The following EFCAB8 variants were observed in gnomAD, a reference collection of about 807,000 sequenced individuals.
The protein encoded by EFCAB8 is EF-hand calcium-binding domain-containing protein 8.
EFCAB8 carries 100 observed loss-of-function variants against 116.3 expected under a neutral mutation model. The ratio of observed to expected loss-of-function variants is 0.86; its 90% CI spans 0.73 to 1.02. The LOEUF (loss-of-function observed/expected upper bound fraction) is 1.02. Among genes scored for constraint, EFCAB8 ranks in the 50% least tolerant of loss-of-function variants. The pLI is 0.00. For missense variants in EFCAB8, 1,320 were observed against 1,416.9 expected (o/e 0.93, Z 1.10); for synonymous variants, 558 against 567.9 (o/e 0.98, Z 0.25).
At chr20:32,921,361 TTGTGTGTGTGTG>T (rs71858676) in intron 20 of EFCAB8, among the ~76,000 whole-genome samples, 2 of 129,276 alleles carry the variant, frequency 1.5e-5, no homozygotes, top group Non-Finnish European at 3.1e-5. Context: ...CCCAGCTATT[TTGTGTGTGTGTG>T]TGTGTGTGTG....
At chr20:32,865,723 C>T (rs1984361333) in intron 2 of EFCAB8, among the ~76,000 whole-genome samples, 1 of 150,936 alleles carries the variant, frequency 6.6e-6, no homozygotes, top group Non-Finnish European at 1.5e-5. Context: ...CACTTGAACC[C>T]AGGAGGCAGA....
chr20:32,895,123 A>G (rs1986095065), intron 9 of EFCAB8, among the ~76,000 whole-genome samples: 1 of 152,098 alleles, frequency 6.6e-6, no homozygotes, highest in South Asian at 2.1e-4. Flanking sequence ...AACTGCTCTG[A>G]CGGAGGACCC....
chr20:32,879,347 C>T (rs1306078479), intron 5 of EFCAB8, among the ~76,000 whole-genome samples: 1 of 152,208 alleles, frequency 6.6e-6, no homozygotes, highest in Non-Finnish European at 1.5e-5. Context: ...CTGGTGGCAC[C>T]ACCCTGCCTT....
chr20:32,938,488 G>A (rs1012753321), intron 22 of EFCAB8, among the ~76,000 whole-genome samples: 1 of 149,418 alleles, frequency 6.7e-6, no homozygotes, highest in Non-Finnish European at 1.5e-5. Context: ...TCTATATTGG[G>A]GAGGAAGAAG....
intron 22 of EFCAB8, among the ~76,000 whole-genome samples, chr20:32,940,514 TAGAC>T (rs1165985936): frequency 2.0e-5 from 3 of 149,578 alleles, no homozygotes; most frequent in Admixed American, 2.0e-4. Context: ...CTTGTGACCT[TAGAC>T]AGTGTGTCTT....
intron 18 of EFCAB8, among the ~76,000 whole-genome samples, chr20:32,918,014 T>G (rs949661684): frequency 3.9e-5 from 6 of 152,206 alleles, no homozygotes; most frequent in Non-Finnish European, 1.5e-5. Flanking sequence ...CTCTGGTAGG[T>G]GGGGTTTCCC....
intron 17 of EFCAB8, among the ~76,000 whole-genome samples, chr20:32,916,479 G>T (rs985263587): frequency 6.6e-6 from 1 of 151,884 alleles, no homozygotes; most frequent in Non-Finnish European, 1.5e-5. Flanking sequence ...AGCTGGTCTT[G>T]AACTCCTGGC....
At chr20:32,890,906 G>T (rs1024017814) in intron 7 of EFCAB8, among the ~76,000 whole-genome samples, 1 of 152,218 alleles carries the variant, frequency 6.6e-6, no homozygotes. Context: ...GCACATAGTG[G>T]GCAGTTAATC....
intron 7 of EFCAB8, among the ~76,000 whole-genome samples, chr20:32,891,583 C>T (rs755878174): frequency 3.3e-5 from 5 of 152,162 alleles, no homozygotes; most frequent in South Asian, 2.1e-4. Context: ...GTCATCTGCT[C>T]GGAGGTACTC....
At chr20:32,878,332 G>A (rs994032986) in intron 4 of EFCAB8, among the ~76,000 whole-genome samples, 2 of 151,948 alleles carry the variant, frequency 1.3e-5, no homozygotes, top group African/African-American at 4.8e-5. Flanking sequence ...GGGAGGCTGA[G>A]CAATAAACTG....
At chr20:32,899,722 G>A (rs901342055) in intron 11 of EFCAB8, among the ~76,000 whole-genome samples, 6 of 151,948 alleles carry the variant, frequency 3.9e-5, no homozygotes, top group African/African-American at 1.4e-4. Flanking sequence ...TTACAGGCAC[G>A]CACCACCATG....
chr20:32,935,507 CTATTT>C (rs1484374898), intron 22 of EFCAB8, among the ~76,000 whole-genome samples: 3 of 144,996 alleles, frequency 2.1e-5, no homozygotes, highest in South Asian at 2.2e-4. Flanking sequence ...GCCACTTTGC[CTATTT>C]TATTTTATTT....
rs1235039280 is a variant in EFCAB8 at position 32,960,131 on chromosome 20, C to T, written c.3363C>T (p.Thr1121=). ...ERLQNTRFLS[T]RVPYGWMKHQ... is the part of the protein sequence containing the mutation. The stretch of plus-strand genomic sequence containing the variant: ...TGCAGAATACCAGGTTCCTGTCCAC[C>T]AGGGTGCCATATGGCTGGATGAAGC... Residue 1121 remains threonine (T), a synonymous_variant, in exon 26 of 27, where the codon ACC becomes ACT. Coordinates refer to ENST00000400522, the MANE Select transcript of EFCAB8 (RefSeq NM_001143967.2). 1 of 1,551,692 alleles carries T rather than the reference C, an allele frequency of 6.4e-7. No individual in the cohort carries two copies. The highest frequency in any genetic ancestry group is 8.7e-7 in the Non-Finnish European group (1 of 1,146,976).
chr20:32,900,725 C>A (rs151010210), intron 11 of EFCAB8, among the ~76,000 whole-genome samples: 2 of 152,262 alleles, frequency 1.3e-5, no homozygotes, highest in East Asian at 1.9e-4. Context: ...CGCCACCATG[C>A]CCGGTTAATT....
At chr20:32,887,061 C>T (rs903352851) in intron 6 of EFCAB8, among the ~76,000 whole-genome samples, 7 of 152,078 alleles carry the variant, frequency 4.6e-5, no homozygotes, top group Admixed American at 1.3e-4. Context: ...TTGTCTTCAC[C>T]GCCAGAACCA....
At chr20:32,930,720 C>T (rs1452507393) in intron 21 of EFCAB8, 104 bp downstream of exon 21, 6 of 1,116,742 alleles carry the variant, frequency 5.4e-6, no homozygotes, top group South Asian at 2.9e-5. Flanking sequence ...TGTCTGGGTA[C>T]TGGTTCCATT....
At chr20:32,900,974 T>C (rs985496081) in intron 11 of EFCAB8, among the ~76,000 whole-genome samples, 1 of 152,234 alleles carries the variant, frequency 6.6e-6, no homozygotes, top group African/African-American at 2.4e-5. Context: ...AGTGCTGGGA[T>C]TACAGGCATG....
chr20:32,860,062 T>C lies in EFCAB8; in HGVS notation c.-11+1056T>C, dbSNP rs536530818. 5.3e-5 allele frequency among the ~76,000 whole-genome samples: 8 copies of C among 152,286 alleles called. No individual in the cohort carries two copies. The East Asian group carries it at 1.5e-3, about 29-fold the overall frequency. Reference sequence around the variant, plus strand: ...ACTCACGCCTGTAATCCCAGCACTTTGGGAAGCCAAGGCGGGCGGAAAGCA... The same window carrying C: ...ACTCACGCCTGTAATCCCAGCACTTCGGGAAGCCAAGGCGGGCGGAAAGCA... On this transcript the variant is annotated intron_variant, in intron 1 of 26. Transcript: ENST00000400522.
Position 32,912,816 on chromosome 20 carries a change from A to G in EFCAB8, c.1808A>G (p.Asn603Ser). Reference protein sequence around the residue: ...QLEISGIIHMNKVFYVTGWSK... With the variant: ...QLEISGIIHMSKVFYVTGWSK... ...CAGATTAGTGGGATTATCCATATGA[A>G]CAAAGTGTTCTATGTGACAGGATGG... The change falls in exon 17 of 27, where the codon AAC (asparagine) becomes AGC (serine). Residue 603 changes from asparagine to serine, a missense_variant. Coordinates refer to ENST00000400522, the MANE Select transcript of EFCAB8 (RefSeq NM_001143967.2). 4.2e-6 allele frequency: 3 copies of G among 718,990 alleles called. No individual in the cohort carries two copies. The South Asian group carries it at 4.4e-5, about 11-fold the overall frequency. The allele number at this position is 718,990 out of a possible 1,614,324, so 44.5% of individuals were successfully genotyped here. A position where few individuals can be genotyped will look rare whatever the true frequency, so the allele number is the denominator to read the frequency against.
Sources: gnomAD v4.1 joint callset for allele counts (sites outside exome capture counted in the v4.1 genomes callset) on GRCh38, gnomAD v4.1.1 for gene constraint, MANE v1.5 for transcripts, NCBI Gene and HGNC (gene_info 2026-07-23, HGNC 2026-07-21) for gene names.